The following GLIS3 variants were observed in gnomAD, a reference collection of about 807,000 sequenced individuals.
GLIS3 encodes GLIS family zinc finger 3.
GLIS3 carries 53 observed loss-of-function variants against 78.6 expected under a neutral mutation model. The observed-to-expected ratio is 0.67, with a 90% CI of 0.54 to 0.85. The LOEUF (loss-of-function observed/expected upper bound fraction) is 0.85, where lower values mean the gene tolerates loss of function less well. Ranked by LOEUF, GLIS3 falls within the 40% of genes least tolerant of loss-of-function variation. The pLI is 0.00. For synonymous variants in GLIS3, 684 were observed against 509.9 expected, an observed-to-expected ratio of 1.34 and a Z score of -4.60; for missense variants, 1,703 against 1,231.1, an observed-to-expected ratio of 1.38 and a Z score of -5.74.
At chr9:4,058,312 A>AT (rs1403191156) in intron 4 of GLIS3, among the ~76,000 whole-genome samples, 3 of 152,226 alleles carry the variant, frequency 2.0e-5, no homozygotes, top group African/African-American at 7.2e-5. Context: ...ACAATAAGGC[A>AT]TAAAAAAAAG....
intron 2 of GLIS3, among the ~76,000 whole-genome samples, chr9:4,272,723 T>C (rs1183854926): frequency 6.6e-6 from 1 of 152,246 alleles, no homozygotes; most frequent in African/African-American, 2.4e-5. Flanking sequence ...GTAATTTTGC[T>C]ATTAACTTAT....
At chr9:3,972,069 G>A (rs921496032) in intron 4 of GLIS3, among the ~76,000 whole-genome samples, 5 of 152,092 alleles carry the variant, frequency 3.3e-5, no homozygotes, top group East Asian at 1.9e-4. Context: ...TTAGCATTTC[G>A]TATCTCTACT....
At chr9:4,068,834 A>ATGTGTGTG (rs56232754) in intron 4 of GLIS3, among the ~76,000 whole-genome samples, 1 of 149,704 alleles carries the variant, frequency 6.7e-6, no homozygotes, top group Non-Finnish European at 1.5e-5. Context: ...GCATGTATGC[A>ATGTGTGTG]TGTGTGTGTG....
chr9:4,112,205 C>A (rs1038778999), intron 4 of GLIS3, among the ~76,000 whole-genome samples: 17 of 152,198 alleles, frequency 1.1e-4, no homozygotes, highest in Non-Finnish European at 2.4e-4. Flanking sequence ...GAAAGAGACT[C>A]TGAATGTGAA....
intron 2 of GLIS3, among the ~76,000 whole-genome samples, chr9:4,252,386 G>C (rs185142762): frequency 6.6e-6 from 1 of 151,490 alleles, no homozygotes; most frequent in South Asian, 2.1e-4. Flanking sequence ...CCTTTCTTCC[G>C]CTTGATCAAT....
chr9:4,259,354 C>G (rs116825098), intron 2 of GLIS3, among the ~76,000 whole-genome samples: 3,459 of 152,158 alleles, frequency 0.023, 90 homozygotes, highest in African/African-American at 0.071. Flanking sequence ...TCCACCTTCC[C>G]CTTTACATAT....
chr9:4,355,529 T>C, the GLIS3 span, among the ~76,000 whole-genome samples: 3 of 152,228 alleles, frequency 2.0e-5, no homozygotes, highest in South Asian at 6.2e-4. Flanking sequence ...AAGAATGAAA[T>C]GGGTGCTACT....
At chr9:4,115,260 A>T (rs1831546615) in intron 4 of GLIS3, among the ~76,000 whole-genome samples, 1 of 152,158 alleles carries the variant, frequency 6.6e-6, no homozygotes, top group Non-Finnish European at 1.5e-5. Context: ...TAAAACTAAA[A>T]AATGGCCCGG....
chr9:4,385,659 C>G, the GLIS3 span, among the ~76,000 whole-genome samples: 4 of 72,766 alleles, frequency 5.5e-5, no homozygotes, highest in African/African-American at 1.7e-4. Context: ...CAGTGAAACT[C>G]CATCTCAAAA....
chr9:4,475,790 A>C, the GLIS3 span, among the ~76,000 whole-genome samples: 1 of 152,358 alleles, frequency 6.6e-6, no homozygotes, highest in African/African-American at 2.4e-5. Flanking sequence ...AGGCAACTGA[A>C]GAATAAACCA....
At chr9:3,912,602 A>C (rs1824228786) in intron 6 of GLIS3, among the ~76,000 whole-genome samples, 1 of 152,210 alleles carries the variant, frequency 6.6e-6, no homozygotes, top group Admixed American at 6.6e-5. Flanking sequence ...TTACATTTGT[A>C]AAAACATAAT....
chr9:4,006,603 G>C (rs1279314303), intron 4 of GLIS3, among the ~76,000 whole-genome samples: 1 of 152,138 alleles, frequency 6.6e-6, no homozygotes, highest in Non-Finnish European at 1.5e-5. Context: ...TAAGTACTCA[G>C]ACCAATCTTA....
chr9:4,082,594 C>G (rs781436924), intron 4 of GLIS3, among the ~76,000 whole-genome samples: 1 of 152,100 alleles, frequency 6.6e-6, no homozygotes, highest in Non-Finnish European at 1.5e-5. Flanking sequence ...TTCTGACAGT[C>G]CATAATTATG....
chr9:4,408,525 G>A, the GLIS3 span, among the ~76,000 whole-genome samples: 6 of 151,448 alleles, frequency 4.0e-5, no homozygotes, highest in African/African-American at 1.5e-4. Context: ...TCAGGAGATC[G>A]AGACCATCCT....
intron 4 of GLIS3, chr9:4,036,127 A>T (rs531739156): frequency 1.3e-5 from 2 of 152,336 alleles, no homozygotes; most frequent in African/African-American, 4.8e-5. Flanking sequence ...ATCTGAAAAA[A>T]GCCCCAAGTG....
At chr9:4,458,953 G>A in the GLIS3 span, among the ~76,000 whole-genome samples, 2 of 152,180 alleles carry the variant, frequency 1.3e-5, no homozygotes, top group Non-Finnish European at 2.9e-5. Context: ...GTGATAAGAG[G>A]CAAGATCAGA....
At chr9:3,893,305 A>G (rs1563820466) in intron 7 of GLIS3, among the ~76,000 whole-genome samples, 1 of 152,298 alleles carries the variant, frequency 6.6e-6, no homozygotes, top group Middle Eastern at 3.4e-3. Flanking sequence ...TGCATGAAAA[A>G]CTAACATGAA....
intron 9 of GLIS3, among the ~76,000 whole-genome samples, chr9:3,850,955 G>A (rs1008672793): frequency 6.6e-6 from 1 of 152,180 alleles, no homozygotes; most frequent in Non-Finnish European, 1.5e-5. Context: ...ACCTTCTTCT[G>A]AATAAATCAG....
chr9:3,977,671 T>A lies in GLIS3; in HGVS notation c.1711-40482A>T, dbSNP rs1226439907. On this transcript the variant is annotated intron_variant, in intron 4 of 10. Transcript: ENST00000381971. This position sits in a 1 kb window ranked among gnomAD's most constrained non-coding sequence, Gnocchi z 4.1. ...CATCAATAATGGCAGAATGACGGCT[T>A]AGTTCAAAGATCATAGAGATGTTAC... Among the ~76,000 whole-genome samples the A allele has an allele frequency of 6.6e-6, 1 of 152,232 alleles. No homozygotes were observed. Among genetic ancestry groups the A allele is most frequent in the East Asian group, 1.9e-4 (1 of 5,204 alleles).
Sources: gnomAD v4.1 joint callset for allele counts (sites outside exome capture counted in the v4.1 genomes callset) on GRCh38, gnomAD v4.1.1 for gene constraint, Gnocchi (gnomAD v3.1) non-coding constraint, MANE v1.5 for transcripts, NCBI Gene and HGNC (gene_info 2026-07-23, HGNC 2026-07-21) for gene names.